ASTN1: variants seen among roughly 807,000 people sequenced by gnomAD.
ASTN1 encodes the protein astrotactin-1.
A neutral mutation model predicts 140.7 loss-of-function variants in ASTN1; 41 were observed. That is an observed-to-expected ratio of 0.29 (90% CI 0.23 to 0.38). The LOEUF (loss-of-function observed/expected upper bound fraction) is 0.38. Among genes scored for constraint, ASTN1 ranks in the 10% least tolerant of loss-of-function variants. ASTN1 has a pLI of 1.00. For missense variants in ASTN1, 1,479 were observed against 1,678.8 expected (o/e 0.88, Z 2.08); for synonymous variants, 640 against 652.2 (o/e 0.98, Z 0.29).
At chr1:176,874,494 A>G (rs1342142820) in intron 21 of ASTN1, among the ~76,000 whole-genome samples, 50 of 152,178 alleles carry the variant, frequency 3.3e-4, no homozygotes, top group Admixed American at 3.2e-3. Context: ...ACAAAATGGG[A>G]ATTGGGTAAA....
intron 1 of ASTN1, among the ~76,000 whole-genome samples, chr1:177,150,766 G>A (rs889699932): frequency 6.6e-6 from 1 of 152,094 alleles, no homozygotes; most frequent in Non-Finnish European, 1.5e-5. Flanking sequence ...TGAATGTGTT[G>A]TGTACTTCAG....
rs1205652373 is a variant in ASTN1, at chr1:176,902,902, A to G, written c.2672-8072T>C. On this transcript the variant is annotated intron_variant, in intron 16 of 22. Transcript: ENST00000361833. ...ATGCATCTTAAGAGGAACAAGAATT[A>G]AATCCAAGAACTGCTGGGAAGCCCT... Among the ~76,000 whole-genome samples, 5 of 152,214 alleles carry G rather than the reference A, an allele frequency of 3.3e-5. No individual in the cohort carries two copies. In the East Asian group the frequency reaches 9.6e-4, roughly 29 times the overall value.
At chr1:176,869,755 T>C (rs1409112280) in intron 21 of ASTN1, among the ~76,000 whole-genome samples, 1 of 152,190 alleles carries the variant, frequency 6.6e-6, no homozygotes, top group Admixed American at 6.5e-5. Context: ...CTAGGTGGCA[T>C]GTGCTTGAAT....
In ASTN1 at chr1:177,058,822, C is replaced by G. The variant is rs187052363; in HGVS notation, c.471+2256G>C. On this transcript the variant is annotated intron_variant, in intron 2 of 22. Transcript: ENST00000361833. Reference sequence around the variant, plus strand: ...GTATACCCACCCCCACAAACATACACAAACAAACACACACACACACACATA... The same window carrying G: ...GTATACCCACCCCCACAAACATACAGAAACAAACACACACACACACACATA... Among the ~76,000 whole-genome samples the G allele has an allele frequency of 3.4e-3, 520 of 150,844 alleles. 2 individuals are homozygous for G. In the Middle Eastern group the frequency reaches 0.041, roughly 12 times the overall value.
intron 1 of ASTN1, among the ~76,000 whole-genome samples, chr1:177,064,308 T>C (rs1177245758): frequency 1.3e-5 from 2 of 152,224 alleles, no homozygotes; most frequent in Non-Finnish European, 2.9e-5. Context: ...TCTTTGAAAA[T>C]TGAGATATAA....
chr1:176,886,092 T>C (rs1669021012), intron 18 of ASTN1, among the ~76,000 whole-genome samples: 1 of 152,172 alleles, frequency 6.6e-6, no homozygotes, highest in African/African-American at 2.4e-5. Flanking sequence ...ACACAAATTC[T>C]GTGAAAATAT....
At chr1:176,885,656 C>T (rs1669004278) in intron 18 of ASTN1, among the ~76,000 whole-genome samples, 5 of 152,124 alleles carry the variant, frequency 3.3e-5, no homozygotes, top group African/African-American at 1.2e-4. Flanking sequence ...GTGCAAGGTA[C>T]TAAGAATGAA....
At chr1:177,013,198 T>C (rs999340266) in intron 8 of ASTN1, among the ~76,000 whole-genome samples, 3 of 152,186 alleles carry the variant, frequency 2.0e-5, no homozygotes, top group African/African-American at 7.2e-5. Flanking sequence ...CTCTCTGTGA[T>C]ATGATCTCAA....
intron 16 of ASTN1, among the ~76,000 whole-genome samples, chr1:176,896,141 GC>G (rs1017064571): frequency 2.0e-5 from 3 of 152,110 alleles, no homozygotes; most frequent in Non-Finnish European, 4.4e-5. Flanking sequence ...TGTAATATGA[GC>G]CCATTTAGAA....
intron 15 of ASTN1, among the ~76,000 whole-genome samples, chr1:176,935,132 C>T (rs1474154582): frequency 2.0e-5 from 3 of 152,136 alleles, no homozygotes; most frequent in Non-Finnish European, 4.4e-5. Flanking sequence ...AAATCCAATA[C>T]CTTTTGGATC....
intron 16 of ASTN1, among the ~76,000 whole-genome samples, chr1:176,907,866 T>G (rs1364643179): frequency 6.6e-6 from 1 of 152,174 alleles, no homozygotes; most frequent in African/African-American, 2.4e-5. Context: ...GAAGAAAACT[T>G]TATCATTATG....
At chr1:177,040,215 A>G (rs1676908293) in intron 2 of ASTN1, among the ~76,000 whole-genome samples, 1 of 152,220 alleles carries the variant, frequency 6.6e-6, no homozygotes, top group Non-Finnish European at 1.5e-5. Context: ...ATAAATTATT[A>G]GGAAGATTAC....
downstream of ASTN1, among the ~76,000 whole-genome samples, chr1:176,859,558 G>A (rs1285742196): frequency 3.3e-5 from 5 of 152,192 alleles, no homozygotes; most frequent in Non-Finnish European, 5.9e-5. Context: ...GCCAAGGCAG[G>A]TGGATCACCT....
intron 20 of ASTN1, among the ~76,000 whole-genome samples, chr1:176,881,184 G>T (rs1668783595): frequency 6.6e-6 from 1 of 152,206 alleles, no homozygotes; most frequent in African/African-American, 2.4e-5. Flanking sequence ...GCGCCACCTG[G>T]TGGAGATTTG....
intron 18 of ASTN1, 63 bp downstream of exon 18, chr1:176,888,008 C>T: frequency 6.2e-7 from 1 of 1,601,994 alleles, no homozygotes; most frequent in Non-Finnish European, 8.5e-7. Context: ...TATTTCTTTG[C>T]AAATAGTAGA....
intron 21 of ASTN1, among the ~76,000 whole-genome samples, chr1:176,869,489 A>G (rs1668254396): frequency 6.6e-6 from 1 of 152,168 alleles, no homozygotes; most frequent in South Asian, 2.1e-4. Flanking sequence ...TTTTTTGGAA[A>G]GTGCAATCCC....
At chr1:177,061,898 T>C (rs1175032889) in intron 1 of ASTN1, among the ~76,000 whole-genome samples, 2 of 152,124 alleles carry the variant, frequency 1.3e-5, no homozygotes, top group Non-Finnish European at 2.9e-5. Flanking sequence ...CAGAGCAGAG[T>C]TGGTATACAT....
intron 9 of ASTN1, among the ~76,000 whole-genome samples, chr1:176,962,180 T>A (rs1218143935): frequency 2.0e-5 from 3 of 152,146 alleles, no homozygotes; most frequent in Non-Finnish European, 4.4e-5. Flanking sequence ...TCTGTACCAA[T>A]CCCTACCCCC....
At chr1:177,141,108 C>T (rs376246613) in intron 1 of ASTN1, among the ~76,000 whole-genome samples, 1 of 152,118 alleles carries the variant, frequency 6.6e-6, no homozygotes, top group South Asian at 2.1e-4. Flanking sequence ...CCCAGCTACT[C>T]GGGAGGCTGA....
Sources: allele counts gnomAD v4.1 joint callset (sites outside exome capture counted in the v4.1 genomes callset), GRCh38; gene constraint gnomAD v4.1.1; transcripts MANE v1.5; gene names NCBI Gene and HGNC (gene_info 2026-07-23, HGNC 2026-07-21).